The following NEK7 variants were observed in gnomAD, a reference collection of about 807,000 sequenced individuals.
NEK7 encodes NIMA related kinase 7.
A neutral mutation model predicts 44.6 loss-of-function variants in NEK7; 18 were observed. The ratio of observed to expected loss-of-function variants is 0.40; its 90% CI spans 0.28 to 0.60. The LOEUF is 0.60. Among genes scored for constraint, NEK7 ranks in the 20% least tolerant of loss-of-function variants. The probability of loss-of-function intolerance (pLI) is 0.38; values close to 1 mark genes in which losing one functional copy is unlikely to be tolerated. For synonymous variants in NEK7, 130 were observed against 121.1 expected (o/e 1.07, Z -0.48); for missense variants, 256 against 366.5 (o/e 0.70, Z 2.46).
At chr1:198,200,054 GC>G (rs1665378105) in intron 1 of NEK7, among the ~76,000 whole-genome samples, 2 of 152,146 alleles carry the variant, frequency 1.3e-5, no homozygotes, top group African/African-American at 4.8e-5. Context: ...CCATTACCCT[GC>G]TCTTTGTGCA....
At chr1:198,203,186 C>G (rs4915268) in intron 1 of NEK7, among the ~76,000 whole-genome samples, 2,935 of 152,176 alleles carry the variant, frequency 0.019, 209 homozygotes, top group Admixed American at 0.14. Flanking sequence ...TGTCACAAGC[C>G]TTTAGATGGA....
intron 8 of NEK7, 145 bp downstream of exon 8, chr1:198,293,184 G>C: frequency 5.8e-6 from 3 of 513,860 alleles, no homozygotes; most frequent in Middle Eastern, 5.1e-4. Flanking sequence ...TAATAACTTT[G>C]TATAATGGAA....
At chr1:198,255,042 G>A (rs1653206182) in intron 3 of NEK7, among the ~76,000 whole-genome samples, 1 of 152,108 alleles carries the variant, frequency 6.6e-6, no homozygotes, top group South Asian at 2.1e-4. Context: ...ACAGTTTAAT[G>A]TTAAACCCTG....
intron 9 of NEK7, among the ~76,000 whole-genome samples, chr1:198,308,977 C>G (rs190843312): frequency 6.6e-6 from 1 of 152,230 alleles, no homozygotes; most frequent in East Asian, 1.9e-4. Flanking sequence ...CCAGTGAGCA[C>G]TTACTGTTCA....
At chr1:198,265,074 T>C (rs1007038312) in intron 5 of NEK7, among the ~76,000 whole-genome samples, 2 of 152,088 alleles carry the variant, frequency 1.3e-5, no homozygotes, top group African/African-American at 4.8e-5. Context: ...AAGAGTATTT[T>C]AGAGACCCAG....
chr1:198,279,684 T>TC (rs1201550970), intron 7 of NEK7, among the ~76,000 whole-genome samples: 2 of 149,138 alleles, frequency 1.3e-5, no homozygotes, highest in Admixed American at 1.4e-4. Context: ...TGTCATAATT[T>TC]CATAGAAAGC....
chr1:198,297,647 A>G (rs940501285), intron 9 of NEK7, among the ~76,000 whole-genome samples: 7 of 152,240 alleles, frequency 4.6e-5, no homozygotes, highest in South Asian at 2.1e-4. Flanking sequence ...GTAATTTTCT[A>G]TTTTGGCAGA....
chr1:198,224,561 A>T (rs2102852731), intron 1 of NEK7, among the ~76,000 whole-genome samples: 1 of 152,286 alleles, frequency 6.6e-6, no homozygotes, highest in Admixed American at 6.5e-5. Context: ...GAATGCAGAA[A>T]CGTTTTCTAT....
At chr1:198,169,467 G>A (rs1237188560) in intron 1 of NEK7, among the ~76,000 whole-genome samples, 1 of 152,106 alleles carries the variant, frequency 6.6e-6, no homozygotes, top group Admixed American at 6.5e-5. Flanking sequence ...ACCAAATGCT[G>A]TACCATATTG....
At chr1:198,166,160 C>T (rs1396230016) in intron 1 of NEK7, among the ~76,000 whole-genome samples, 1 of 152,232 alleles carries the variant, frequency 6.6e-6, no homozygotes, top group African/African-American at 2.4e-5. Flanking sequence ...TCTGTCTCAG[C>T]CGTAAGGCTG....
chr1:198,262,081 T>G (rs1558084268), intron 3 of NEK7, among the ~76,000 whole-genome samples: 1 of 151,940 alleles, frequency 6.6e-6, no homozygotes, highest in Non-Finnish European at 1.5e-5. Flanking sequence ...GATTAATGGT[T>G]CAGTGCTTGG....
At chr1:198,309,157 T>C (rs1474582431) in intron 9 of NEK7, among the ~76,000 whole-genome samples, 1 of 152,102 alleles carries the variant, frequency 6.6e-6, no homozygotes, top group East Asian at 1.9e-4. Context: ...GGAAGGACTT[T>C]AGAGAAGAGA....
chr1:198,220,677 T>G (rs1267897152), intron 1 of NEK7: 1 of 152,048 alleles, frequency 6.6e-6, no homozygotes, highest in Non-Finnish European at 1.5e-5. Context: ...TGCTGAATGG[T>G]GACTTGGGGC....
At chr1:198,296,821 C>T (rs186435643) in intron 8 of NEK7, among the ~76,000 whole-genome samples, 1 of 152,018 alleles carries the variant, frequency 6.6e-6, no homozygotes, top group Admixed American at 6.6e-5. Flanking sequence ...ATTATAGGTA[C>T]AAAGAGTTTT....
chr1:198,208,939 C>A (rs181154098), intron 1 of NEK7, among the ~76,000 whole-genome samples: 13 of 151,980 alleles, frequency 8.6e-5, no homozygotes, highest in Admixed American at 4.6e-4. Context: ...ATGTTGGGTT[C>A]GCTTTTCTTG....
chr1:198,227,855 A>G (rs373735566), intron 1 of NEK7, among the ~76,000 whole-genome samples: 1 of 152,118 alleles, frequency 6.6e-6, no homozygotes, highest in Non-Finnish European at 1.5e-5. Context: ...TTTGCTGTGC[A>G]GAAGCTCTTT....
At chr1:198,250,451 A>T (rs975772759) in intron 2 of NEK7, among the ~76,000 whole-genome samples, 4 of 151,962 alleles carry the variant, frequency 2.6e-5, no homozygotes, top group African/African-American at 9.7e-5. Context: ...ACGGCATTGA[A>T]TCTATAAATT....
At chr1:198,174,906 A>G (rs1402256467) in intron 1 of NEK7, among the ~76,000 whole-genome samples, 1 of 151,960 alleles carries the variant, frequency 6.6e-6, no homozygotes, top group East Asian at 1.9e-4. Flanking sequence ...ACAGGTGTGA[A>G]CCACCTTACT....
At chr1:198,176,367 G>A (rs1664604390) in intron 1 of NEK7, among the ~76,000 whole-genome samples, 1 of 152,148 alleles carries the variant, frequency 6.6e-6, no homozygotes. Flanking sequence ...GACTAGCTGG[G>A]TTGAGTATTT....
Sources: allele counts gnomAD v4.1 joint callset (sites outside exome capture counted in the v4.1 genomes callset), GRCh38; gene constraint gnomAD v4.1.1; transcripts MANE v1.5; gene names NCBI Gene and HGNC (gene_info 2026-07-23, HGNC 2026-07-21).